HS3ST4: variants seen among roughly 807,000 people sequenced by gnomAD.
The protein encoded by HS3ST4 is heparan sulfate-glucosamine 3-sulfotransferase 4, also known as heparan sulfate glucosamine 3-O-sulfotransferase 4.
Under a neutral mutation model 29.2 loss-of-function variants are expected in HS3ST4, and 17 were observed. That is an observed-to-expected ratio of 0.58 (90% CI 0.40 to 0.87). The LOEUF (loss-of-function observed/expected upper bound fraction) is 0.87, where lower values mean the gene tolerates loss of function less well. Ranked by LOEUF, HS3ST4 falls within the 40% of genes least tolerant of loss-of-function variation. HS3ST4 has a pLI of 0.00. For synonymous variants in HS3ST4, 314 were observed against 285.7 expected (o/e 1.10, Z -1.00); for missense variants, 627 against 634.5 (o/e 0.99, Z 0.13).
At chr16:25,824,476 T>A (rs1045482778) in intron 1 of HS3ST4, among the ~76,000 whole-genome samples, 3 of 152,206 alleles carry the variant, frequency 2.0e-5, no homozygotes, top group Non-Finnish European at 2.9e-5. Context: ...AGAAAAGTCA[T>A]GTCTTACATG....
intron 1 of HS3ST4, among the ~76,000 whole-genome samples, chr16:25,923,797 T>G (rs962971141): frequency 1.3e-5 from 2 of 152,168 alleles, no homozygotes; most frequent in African/African-American, 4.8e-5. Flanking sequence ...AGTCAATATT[T>G]ACTGAGCTGG....
intron 1 of HS3ST4, among the ~76,000 whole-genome samples, chr16:26,123,240 T>A (rs939821846): frequency 1.3e-5 from 2 of 152,160 alleles, no homozygotes; most frequent in African/African-American, 4.8e-5. Context: ...GATGTTATTA[T>A]CCCCATTTGA....
chr16:26,075,064 G>T (rs190623321), intron 1 of HS3ST4, among the ~76,000 whole-genome samples: 1 of 152,128 alleles, frequency 6.6e-6, no homozygotes, highest in Non-Finnish European at 1.5e-5. Flanking sequence ...GTGGTGGTAC[G>T]CGCCTGTAGT....
At chr16:25,734,771 C>T (rs1046957894) in intron 1 of HS3ST4, among the ~76,000 whole-genome samples, 1 of 152,104 alleles carries the variant, frequency 6.6e-6, no homozygotes, top group Non-Finnish European at 1.5e-5. Context: ...CAACAGAAGC[C>T]TTTGAGAGAG....
intron 1 of HS3ST4, among the ~76,000 whole-genome samples, chr16:26,108,170 T>C (rs1899081236): frequency 6.6e-6 from 1 of 152,200 alleles, no homozygotes; most frequent in South Asian, 2.1e-4. Flanking sequence ...TATCACACTG[T>C]GGTTTTAATT....
intron 1 of HS3ST4, among the ~76,000 whole-genome samples, chr16:25,704,878 T>TG (rs1966364373): frequency 2.3e-5 from 2 of 87,026 alleles, no homozygotes; most frequent in African/African-American, 8.0e-5. Flanking sequence ...AAACTCCATC[T>TG]CAAAAAAAAA....
At chr16:26,092,339 A>T (rs1275424818) in intron 1 of HS3ST4, among the ~76,000 whole-genome samples, 1 of 152,140 alleles carries the variant, frequency 6.6e-6, no homozygotes, top group Non-Finnish European at 1.5e-5. Flanking sequence ...AAAGAGAAAC[A>T]TGAGGATGTC....
intron 1 of HS3ST4, among the ~76,000 whole-genome samples, chr16:26,110,637 T>G (rs1899116249): frequency 6.6e-6 from 1 of 152,226 alleles, no homozygotes; most frequent in South Asian, 2.1e-4. Flanking sequence ...ACTTCTGCAA[T>G]TGCTTCCTTG....
rs1324916873 is a variant in HS3ST4, at chr16:26,135,836, C to T, written c.959C>T (p.Thr320Ile). ...TFEVLAFKNR[T>I]LGLIDASWSA... ...GAGGTGCTGGCCTTCAAAAACCGGA[C>T]CCTCGGGCTGATCGATGCTTCCTGG... is the stretch of plus-strand genomic sequence containing the variant. The change falls in exon 2 of 2, where the codon ACC (threonine) becomes ATC (isoleucine). Residue 320 changes from threonine (T) to isoleucine (I), a missense_variant. Thr to Ile is a moderately conservative substitution (Grantham distance 89). Coordinates refer to ENST00000331351, the MANE Select transcript of HS3ST4 (RefSeq NM_006040.3). 1.2e-6 allele frequency: 2 copies of T among 1,613,996 alleles called. No homozygotes were observed. The highest frequency in any genetic ancestry group is 3.3e-5 in the Admixed American group (2 of 60,030).
intron 1 of HS3ST4, among the ~76,000 whole-genome samples, chr16:25,834,389 G>A (rs1285796205): frequency 1.3e-5 from 2 of 152,186 alleles, no homozygotes; most frequent in African/African-American, 4.8e-5. Context: ...TTCTGGCATT[G>A]AGGTGCAAAA....
At chr16:26,040,215 T>G (rs1969623118) in intron 1 of HS3ST4, among the ~76,000 whole-genome samples, 1 of 152,212 alleles carries the variant, frequency 6.6e-6, no homozygotes, top group South Asian at 2.1e-4. Context: ...TTACTGGAAA[T>G]TAGATTCTCT....
intron 1 of HS3ST4, among the ~76,000 whole-genome samples, chr16:25,765,717 G>A (rs1460949648): frequency 6.6e-6 from 1 of 152,174 alleles, no homozygotes; most frequent in Non-Finnish European, 1.5e-5. Flanking sequence ...CGCATCACCT[G>A]CTAATGGGCA....
At chr16:25,736,856 AT>A (rs983168239) in intron 1 of HS3ST4, among the ~76,000 whole-genome samples, 2 of 148,924 alleles carry the variant, frequency 1.3e-5, no homozygotes, top group South Asian at 2.1e-4. Context: ...TTTTCTTTTT[AT>A]TTTTTTTTGG....
chr16:25,961,921 A>C (rs1968799252), intron 1 of HS3ST4, among the ~76,000 whole-genome samples: 1 of 152,238 alleles, frequency 6.6e-6, no homozygotes, highest in Non-Finnish European at 1.5e-5. Flanking sequence ...TTATGTATGC[A>C]CATTTTCTCT....
At chr16:25,760,929 C>T (rs1966785189) in intron 1 of HS3ST4, among the ~76,000 whole-genome samples, 1 of 152,156 alleles carries the variant, frequency 6.6e-6, no homozygotes, top group African/African-American at 2.4e-5. Context: ...TGAGGCAGAA[C>T]CCAGGTAGAA....
At chr16:25,761,860 C>T (rs1393678158) in intron 1 of HS3ST4, among the ~76,000 whole-genome samples, 1 of 152,202 alleles carries the variant, frequency 6.6e-6, no homozygotes, top group Non-Finnish European at 1.5e-5. Context: ...TGGCGATCCT[C>T]TGAGGTAGAT....
intron 1 of HS3ST4, among the ~76,000 whole-genome samples, chr16:26,031,677 C>A (rs1228868958): frequency 6.6e-6 from 1 of 150,574 alleles, no homozygotes; most frequent in Non-Finnish European, 1.5e-5. Flanking sequence ...GCACCGGCCA[C>A]AGGGCCCAGC....
At chr16:26,090,930 T>TA (rs1161857172) in intron 1 of HS3ST4, among the ~76,000 whole-genome samples, 1 of 152,154 alleles carries the variant, frequency 6.6e-6, no homozygotes, top group Non-Finnish European at 1.5e-5. Flanking sequence ...GAGTCTCAGT[T>TA]AACAAGGCTA....
intron 1 of HS3ST4, among the ~76,000 whole-genome samples, chr16:25,711,021 C>A (rs1340980310): frequency 6.6e-6 from 1 of 151,502 alleles, no homozygotes; most frequent in African/African-American, 2.4e-5. Context: ...TGGGGTCTTG[C>A]TTTTTTGCTT....
Sources: allele counts gnomAD v4.1 joint callset (sites outside exome capture counted in the v4.1 genomes callset), GRCh38; gene constraint gnomAD v4.1.1; transcripts MANE v1.5; gene names NCBI Gene and HGNC (gene_info 2026-07-23, HGNC 2026-07-21).